Variants in KMT2C observed in about 807,000 individuals in gnomAD.
KMT2C encodes the protein histone-lysine N-methyltransferase 2C.
In KMT2C, 88 loss-of-function variants were observed where a neutral mutation model predicts 507.9. The ratio of observed to expected loss-of-function variants is 0.17; its 90% CI spans 0.15 to 0.21. The LOEUF (loss-of-function observed/expected upper bound fraction) is 0.21, where lower values mean the gene tolerates loss of function less well. KMT2C is among the 10% of genes least tolerant of loss of function. The pLI, the probability that KMT2C is intolerant of heterozygous loss-of-function variation, is 1.00. For missense variants in KMT2C, 4,954 were observed against 5,957.8 expected, an observed-to-expected ratio of 0.83 and a Z score of 5.55; for synonymous variants, 2,049 against 2,080.8, an observed-to-expected ratio of 0.98 and a Z score of 0.42.
In KMT2C at chr7:152,149,126, T is replaced by G. The variant is rs571323086; in HGVS notation, c.12801A>C (p.Ser4267=). 1.4e-6 allele frequency: 2 copies of G among 1,466,104 alleles called. No homozygotes were observed. The highest frequency in any genetic ancestry group is 9.0e-7 in the Non-Finnish European group (1 of 1,109,848). 90.8% of individuals were successfully genotyped at this position (1,466,104 alleles called of 1,614,324 possible). A position where few individuals can be genotyped will look rare whatever the true frequency, so the allele number is the denominator to read the frequency against. Residue 4267 remains serine, a synonymous_variant, in exon 52 of 59, where the codon TCA becomes TCC. Coordinates refer to ENST00000262189, the MANE Select transcript of KMT2C (RefSeq NM_170606.3). ...NKESIPSLPQ[S]PMRETPSKAF... ...CTTTGGAAGGCGTTTCTCTCATAGG[T>G]GATTGTGGCAATGAAGGAATGGATT...
chr7:152,252,454 A>G, intron 10 of KMT2C, 92 bp downstream of exon 10: 1 of 1,017,184 alleles, frequency 9.8e-7, no homozygotes, highest in Non-Finnish European at 1.5e-6. Flanking sequence ...TGCTAGAGTG[A>G]TAAAAACTTA....
In KMT2C at chr7:152,274,856, T is replaced by C. The variant is rs554201827; in HGVS notation, c.850-989A>G. 3.3e-3 allele frequency among the ~76,000 whole-genome samples: 500 copies of C among 152,354 alleles called. 6 individuals are homozygous for C. Among genetic ancestry groups the C allele is most frequent in the African/African-American group, 0.011 (468 of 41,606 alleles). Reference sequence around the variant, plus strand: ...CAATTGAGGCACCATACTATCTTTGTATCCAAAGCACCAAAAATGCTGCTT... The same window carrying C: ...CAATTGAGGCACCATACTATCTTTGCATCCAAAGCACCAAAAATGCTGCTT... On this transcript the variant is annotated intron_variant, in intron 6 of 58. Transcript: ENST00000262189.
chr7:152,290,647 T>C (rs112256933), intron 6 of KMT2C, among the ~76,000 whole-genome samples: 3 of 151,860 alleles, frequency 2.0e-5, no homozygotes, highest in Non-Finnish European at 4.4e-5. Context: ...ATAAAGTTCA[T>C]TGATGGGATT....
chr7:152,327,485 C>A (rs1470083111), intron 3 of KMT2C, among the ~76,000 whole-genome samples: 1 of 152,188 alleles, frequency 6.6e-6, no homozygotes, highest in East Asian at 1.9e-4. Context: ...GGCTCTCAGG[C>A]ACCTGCTCTA....
rs1195125465 is a variant in KMT2C, at chr7:152,391,142, CAAAAAAA to C, written c.162-32474_162-32468del. Among the ~76,000 whole-genome samples the C allele has an allele frequency of 6.7e-3, 232 of 34,766 alleles. 1 individual carries two copies. Among genetic ancestry groups the C allele is most frequent in the Middle Eastern group, 0.045 (1 of 22 alleles). The allele number at this position is 34,766 out of a possible 152,430, so 22.8% of individuals were successfully genotyped here. ...CTGGGCGACAGAGTGAGACTGTCTC[CAAAAAAA>C]AAAAAAAAAAAAAAAAAAGCCTTAA... On this transcript the variant is annotated intron_variant, in intron 1 of 58. Coordinates refer to ENST00000262189, the MANE Select transcript of KMT2C (RefSeq NM_170606.3).
At chr7:152,383,628 T>A (rs531611823) in intron 1 of KMT2C, among the ~76,000 whole-genome samples, 2 of 152,272 alleles carry the variant, frequency 1.3e-5, no homozygotes, top group South Asian at 4.1e-4. Flanking sequence ...AGAAAGGCAA[T>A]AAATAGAATG....
Position 152,327,608 on chromosome 7 carries a change from C to T in KMT2C, c.389+2993G>A, listed in dbSNP as rs139498408. 5.6e-4 allele frequency among the ~76,000 whole-genome samples: 85 copies of T among 152,236 alleles called. No individual in the cohort carries two copies. In the East Asian group the frequency reaches 9.5e-3, roughly 17 times the overall value. On this transcript the variant is annotated intron_variant, in intron 3 of 58. Transcript: ENST00000262189. ...TAAAGTTCATGGTAGTATCAAACTA[C>T]AAAAATTTAAGCAGAACTTTAAATG...
chr7:152,183,990 T>C (rs1412265817), intron 34 of KMT2C, among the ~76,000 whole-genome samples: 2 of 150,998 alleles, frequency 1.3e-5, no homozygotes, highest in African/African-American at 4.9e-5. Context: ...GAGAATCGCT[T>C]GAATCTGGAA....
intron 2 of KMT2C, among the ~76,000 whole-genome samples, chr7:152,350,844 CTT>C (rs1276688046): frequency 2.6e-5 from 4 of 152,074 alleles, no homozygotes; most frequent in Admixed American, 2.6e-4. Context: ...TTTTTTTAAA[CTT>C]TTTGACACTT....
At chr7:152,210,569 T>C (rs1226207679) in intron 23 of KMT2C, among the ~76,000 whole-genome samples, 2 of 151,940 alleles carry the variant, frequency 1.3e-5, no homozygotes, top group East Asian at 3.9e-4. Flanking sequence ...GCTCATCAGC[T>C]ATCATTAGTG....
chr7:152,178,842 T>C (rs1406214114), intron 37 of KMT2C, among the ~76,000 whole-genome samples: 1 of 152,180 alleles, frequency 6.6e-6, no homozygotes, highest in East Asian at 1.9e-4. Flanking sequence ...TTCCTTATTA[T>C]AACTAGGGCA....
intron 16 of KMT2C, among the ~76,000 whole-genome samples, chr7:152,232,101 G>C (rs188761013): frequency 2.0e-5 from 3 of 152,108 alleles, no homozygotes; most frequent in African/African-American, 7.2e-5. Flanking sequence ...GGATGGTCTC[G>C]ATCTCCTGAC....
chr7:152,277,695 G>T (rs1588837165), intron 6 of KMT2C, among the ~76,000 whole-genome samples: 3 of 151,658 alleles, frequency 2.0e-5, no homozygotes, highest in Admixed American at 1.3e-4. Context: ...ACATAAAAAA[G>T]AAAACAGATC....
intron 1 of KMT2C, among the ~76,000 whole-genome samples, chr7:152,382,833 T>C (rs371085378): frequency 0.011 from 1,347 of 122,956 alleles, no homozygotes; most frequent in African/African-American, 0.04. Flanking sequence ...AATTATAAAA[T>C]GTACAAAGGT....
At chr7:152,218,405 C>G (rs377144534) in intron 23 of KMT2C, among the ~76,000 whole-genome samples, 1 of 152,112 alleles carries the variant, frequency 6.6e-6, no homozygotes. Flanking sequence ...CTCAGGTGAT[C>G]CACCCGCCTT....
chr7:152,256,028 G>C (rs2095655741), intron 9 of KMT2C, among the ~76,000 whole-genome samples: 1 of 152,132 alleles, frequency 6.6e-6, no homozygotes, highest in South Asian at 2.1e-4. Flanking sequence ...AATTAGCTGG[G>C]CGTGGTGGCG....
intron 2 of KMT2C, among the ~76,000 whole-genome samples, chr7:152,347,839 C>T (rs1490332741): frequency 6.6e-6 from 1 of 152,128 alleles, no homozygotes; most frequent in Non-Finnish European, 1.5e-5. Flanking sequence ...CACAGTCCAT[C>T]TACGCATTTT....
intron 1 of KMT2C, among the ~76,000 whole-genome samples, chr7:152,386,235 T>C (rs1174336667): frequency 2.0e-5 from 3 of 150,554 alleles, no homozygotes; most frequent in Non-Finnish European, 4.4e-5. Flanking sequence ...GGGACAATAG[T>C]AGTCTTTACT....
chr7:152,377,098 C>T (rs1480707381), intron 1 of KMT2C, among the ~76,000 whole-genome samples: 1 of 152,304 alleles, frequency 6.6e-6, no homozygotes, highest in African/African-American at 2.4e-5. Context: ...GACGTTGAAG[C>T]TAATGCTCAT....
Sources: gnomAD v4.1 joint callset for allele counts (sites outside exome capture counted in the v4.1 genomes callset) on GRCh38, gnomAD v4.1.1 for gene constraint, MANE v1.5 for transcripts, NCBI Gene and HGNC (gene_info 2026-07-23, HGNC 2026-07-21) for gene names.